LRSAM1: variants seen among roughly 807,000 people sequenced by gnomAD.
LRSAM1 encodes the protein E3 ubiquitin-protein ligase LRSAM1.
Under a neutral mutation model 118.1 loss-of-function variants are expected in LRSAM1, and 96 were observed. The ratio of observed to expected loss-of-function variants is 0.81; its 90% CI spans 0.69 to 0.96. The LOEUF (loss-of-function observed/expected upper bound fraction) is 0.96, where lower values mean the gene tolerates loss of function less well. Ranked by LOEUF, LRSAM1 falls within the 40% of genes least tolerant of loss-of-function variation. LRSAM1 has a pLI of 0.00. For synonymous variants in LRSAM1, 322 were observed against 364.2 expected (o/e 0.88, Z 1.32); for missense variants, 804 against 915.5 (o/e 0.88, Z 1.57).
intron 4 of LRSAM1, 148 bp from the exon 5 acceptor site, chr9:127,455,428 C>A: frequency 2.4e-6 from 2 of 817,684 alleles, no homozygotes; most frequent in Non-Finnish European, 4.2e-6. Context: ...GCTTGCCAGC[C>A]TTGCCCCTGG....
chr9:127,492,570 C>T (rs889402745), intron 20 of LRSAM1, among the ~76,000 whole-genome samples: 8 of 152,250 alleles, frequency 5.3e-5, no homozygotes, highest in Non-Finnish European at 1.2e-4. Context: ...CTTACCATCC[C>T]ATTGTCATCA....
chr9:127,464,977 A>G lies in LRSAM1; in HGVS notation c.528+2604A>G, dbSNP rs1041605268. On this transcript the variant is annotated intron_variant, in intron 9 of 25. Transcript: ENST00000300417. ...ATTTTATTTTGATTCCTTTAAAAAA[A>G]ATCTTTTGGGTTTCTTGGTGGCACC... Among the ~76,000 whole-genome samples, 5 of 152,020 alleles carry G rather than the reference A, an allele frequency of 3.3e-5. No homozygotes were observed. The South Asian group carries it at 1.0e-3, about 32-fold the overall frequency.
At position 127,477,408 on chromosome 9, in the gene LRSAM1, A is replaced by G. The variant is rs115353752; in HGVS notation, c.751-1526A>G. ...AGGTTGCTGCTTTTATAATTCAGAGACTGATCCTGTTCTCAAAACAGGATA... is the reference window on the plus strand; with the variant it reads ...AGGTTGCTGCTTTTATAATTCAGAGGCTGATCCTGTTCTCAAAACAGGATA... On this transcript the variant is annotated intron_variant, in intron 11 of 25. Transcript: ENST00000300417. Among the ~76,000 whole-genome samples, 475 of 152,310 alleles carry G rather than the reference A, an allele frequency of 3.1e-3. 6 individuals are homozygous for G. The highest frequency in any genetic ancestry group is 0.01 in the African/African-American group (436 of 41,582).
At chr9:127,498,500 T>A (rs1836242520) in intron 24 of LRSAM1, among the ~76,000 whole-genome samples, 1 of 152,088 alleles carries the variant, frequency 6.6e-6, no homozygotes, top group African/African-American at 2.4e-5. Flanking sequence ...AGCCCAGCAG[T>A]CCTCAGGACC....
intron 8 of LRSAM1, 50 bp downstream of exon 8, chr9:127,461,307 A>G (rs2132011164): frequency 6.4e-7 from 1 of 1,560,976 alleles, no homozygotes; most frequent in South Asian, 1.1e-5. Context: ...GCTCTGGGCC[A>G]TCCTGGCCGG....
In LRSAM1 at chr9:127,501,123, G is replaced by A. The variant is rs1485372771; in HGVS notation, c.2026G>A (p.Val676Ile). The change falls in exon 25 of 26, where the codon GTC becomes ATC. Residue 676 changes from valine (V) to isoleucine (I), a missense_variant. Physicochemically the swap from Val to Ile is conservative, Grantham distance 29 (BLOSUM62 3). Coordinates refer to ENST00000300417, the MANE Select transcript of LRSAM1 (RefSeq NM_001005373.4). Reference protein sequence around the residue: ...AELEVQASECVVCLEREAQMI... With the variant: ...AELEVQASECIVCLEREAQMI... ...GCTGGAGGTGCAGGCCTCAGAGTGT[G>A]TCGTGTGCCTGGAACGGGAGGTAAG... 6.2e-7 allele frequency: 1 copy of A among 1,613,634 alleles called. No homozygotes were observed. The highest frequency in any genetic ancestry group is 1.7e-5 in the Admixed American group (1 of 59,998).
intron 2 of LRSAM1, chr9:127,453,996 TA>T: frequency 8.5e-6 from 2 of 234,268 alleles, no homozygotes; most frequent in South Asian, 9.6e-5. Context: ...CACTGACCCT[TA>T]CCCCATGGAA....
At chr9:127,473,579 A>G (rs1835249634) in intron 10 of LRSAM1, among the ~76,000 whole-genome samples, 1 of 152,220 alleles carries the variant, frequency 6.6e-6, no homozygotes, top group African/African-American at 2.4e-5. Flanking sequence ...TGTAAGGGGT[A>G]GCCAGTACCC....
Position 127,473,804 on chromosome 9 carries a change from CAG to C in LRSAM1, c.624_625del (p.Gly209AlafsTer27). 6.2e-7 allele frequency: 1 copy of C among 1,614,176 alleles called. No homozygotes were observed. The highest frequency in any genetic ancestry group is 8.5e-7 in the Non-Finnish European group (1 of 1,180,030). On this transcript the variant is annotated frameshift_variant, in exon 11 of 26. Coordinates refer to ENST00000300417, the MANE Select transcript of LRSAM1 (RefSeq NM_001005373.4). LOFTEE classifies it high-confidence loss of function. ...GCTTGTGTCCCGTCTCTTACAGAGT[CAG>C]GGCTGGAATACTACCCCCCTTCTCA...
intron 7 of LRSAM1, among the ~76,000 whole-genome samples, chr9:127,459,738 C>T (rs1834664811): frequency 6.6e-6 from 1 of 151,136 alleles, no homozygotes; most frequent in African/African-American, 2.4e-5. Context: ...TTTGTATTTT[C>T]AGTAGAGACT....
At chr9:127,464,520 G>T (rs1834862565) in intron 9 of LRSAM1, among the ~76,000 whole-genome samples, 1 of 152,096 alleles carries the variant, frequency 6.6e-6, no homozygotes, top group African/African-American at 2.4e-5. Context: ...TGATTTCATT[G>T]AATTTTAATT....
At chr9:127,477,068 TTAGAG>T (rs1835371423) in intron 11 of LRSAM1, among the ~76,000 whole-genome samples, 1 of 152,220 alleles carries the variant, frequency 6.6e-6, no homozygotes, top group Non-Finnish European at 1.5e-5. Context: ...ATTGGGTGAA[TTAGAG>T]TAAATAGATT....
intron 7 of LRSAM1, 109 bp from the exon 8 acceptor site, chr9:127,461,064 C>T: frequency 1.4e-6 from 1 of 733,690 alleles, no homozygotes; most frequent in East Asian, 3.4e-5. Context: ...CTATGTTGGC[C>T]AGGCTGGTCT....
chr9:127,496,732 G>A lies in LRSAM1; in HGVS notation c.1831-521G>A, dbSNP rs77669863. On this transcript the variant is annotated intron_variant, in intron 23 of 25. Transcript: ENST00000300417. ...CAAGCAGTGTGGCCCCAGAGTTCGTGTTCTTTTTCATGAGACTCTCCTGCC... is the reference window on the plus strand; with the variant it reads ...CAAGCAGTGTGGCCCCAGAGTTCGTATTCTTTTTCATGAGACTCTCCTGCC... Among the ~76,000 whole-genome samples the A allele has an allele frequency of 2.7e-3, 412 of 152,302 alleles. 3 individuals are homozygous for A. Among genetic ancestry groups the A allele is most frequent in the African/African-American group, 9.2e-3 (384 of 41,562 alleles).
At chr9:127,499,243 T>G (rs1836276288) in intron 24 of LRSAM1, among the ~76,000 whole-genome samples, 1 of 151,782 alleles carries the variant, frequency 6.6e-6, no homozygotes, top group African/African-American at 2.4e-5. Context: ...GGTGTGGTGG[T>G]GCACACCTTA....
rs867550438 is a variant in LRSAM1 at position 127,475,181 on chromosome 9, G to A, written c.750+1250G>A. Among the ~76,000 whole-genome samples the A allele has an allele frequency of 5.9e-5, 9 of 152,170 alleles. No individual in the cohort carries two copies. The Middle Eastern group carries it at 0.01, about 173-fold the overall frequency. On this transcript the variant is annotated intron_variant, in intron 11 of 25. Transcript: ENST00000300417. ...AACACAGTCACTGGCTGAAGGATTC[G>A]TAGATTGAGCAGAGAAAGAACTCTT...
chr9:127,473,422 C>A (rs1835243949), intron 10 of LRSAM1, among the ~76,000 whole-genome samples: 1 of 152,288 alleles, frequency 6.6e-6, no homozygotes, highest in South Asian at 2.1e-4. Flanking sequence ...ATTTTACAGG[C>A]AAAACCACAC....
chr9:127,495,147 T>G (rs1836079471), intron 21 of LRSAM1, among the ~76,000 whole-genome samples, 173 bp from the exon 22 acceptor site: 1 of 152,020 alleles, frequency 6.6e-6, no homozygotes, highest in Non-Finnish European at 1.5e-5. Flanking sequence ...GGTGGGGGGT[T>G]TCTCCATGTT....
At chr9:127,498,823 C>CTGAGGTGGGCGGATCACCTGAGG (rs1216173953) in intron 24 of LRSAM1, among the ~76,000 whole-genome samples, 19 of 152,046 alleles carry the variant, frequency 1.2e-4, no homozygotes, top group Non-Finnish European at 2.9e-5. Context: ...CTTTGGGAGG[C>CTGAGGTGGGCGGATCACCTGAGG]TGAGGTGGGC....
Sources: allele counts gnomAD v4.1 joint callset (sites outside exome capture counted in the v4.1 genomes callset), GRCh38; gene constraint gnomAD v4.1.1; transcripts MANE v1.5; gene names NCBI Gene and HGNC (gene_info 2026-07-23, HGNC 2026-07-21).